PRKN: variants seen among roughly 807,000 people sequenced by gnomAD.
The protein encoded by PRKN is parkin RBR E3 ubiquitin protein ligase.
Under a neutral mutation model 59.5 loss-of-function variants are expected in PRKN, and 56 were observed. The observed-to-expected ratio is 0.94, with a 90% CI of 0.76 to 1.18. The LOEUF is 1.18. Ranked by LOEUF, PRKN falls within the 50% of genes most tolerant of loss-of-function variation. The pLI is 0.00. For missense variants in PRKN, 657 were observed against 596.4 expected, an observed-to-expected ratio of 1.10 and a Z score of -1.06; for synonymous variants, 250 against 222.1, an observed-to-expected ratio of 1.13 and a Z score of -1.12.
chr6:162,034,297 T>C (rs979915166), intron 5 of PRKN, among the ~76,000 whole-genome samples: 4 of 151,850 alleles, frequency 2.6e-5, no homozygotes, highest in African/African-American at 7.3e-5. Context: ...ACAACCCTTA[T>C]GGAAGATGCT....
intron 2 of PRKN, among the ~76,000 whole-genome samples, chr6:162,321,249 A>G (rs1783011539): frequency 6.6e-6 from 1 of 151,934 alleles, no homozygotes; most frequent in Non-Finnish European, 1.5e-5. Context: ...GCAATTTTCT[A>G]CCTATAAATT....
At chr6:162,725,368 A>T (rs1779105781) in intron 1 of PRKN, among the ~76,000 whole-genome samples, 1 of 151,848 alleles carries the variant, frequency 6.6e-6, no homozygotes, top group Admixed American at 6.6e-5. Context: ...AAAACCCATC[A>T]CTCCAAGGCT....
At chr6:161,963,255 C>G (rs750505926) in intron 6 of PRKN, among the ~76,000 whole-genome samples, 5 of 152,202 alleles carry the variant, frequency 3.3e-5, no homozygotes, top group Non-Finnish European at 7.3e-5. Flanking sequence ...CTAACGGATA[C>G]AAAATTGGTC....
rs766949960 is a variant in PRKN at position 161,352,755 on chromosome 6, G to GTGTGTATA, written c.1286-2545_1286-2544insTATACACA. On this transcript the variant is annotated intron_variant, in intron 11 of 11. Coordinates refer to ENST00000366898, the MANE Select transcript of PRKN (RefSeq NM_004562.3). This position sits in a 1 kb window ranked among gnomAD's most constrained non-coding sequence, Gnocchi z 5.8. ...TGTGTGTGTGTGTGTGTGTGTGTGT[G>GTGTGTATA]TATATATATATATATATTTTATTTT... 9.5e-4 allele frequency among the ~76,000 whole-genome samples: 128 copies of GTGTGTATA among 134,362 alleles called. No individual in the cohort carries two copies. Among genetic ancestry groups the GTGTGTATA allele is most frequent in the African/African-American group, 2.6e-3 (92 of 35,774 alleles). 88.1% of individuals were successfully genotyped at this position (134,362 alleles called of 152,430 possible).
intron 3 of PRKN, among the ~76,000 whole-genome samples, chr6:162,250,030 C>T (rs571240601): frequency 2.6e-4 from 39 of 152,140 alleles, no homozygotes; most frequent in African/African-American, 8.4e-4. Context: ...CCTGTACTCC[C>T]AGCTACTCCG....
intron 1 of PRKN, among the ~76,000 whole-genome samples, chr6:162,563,652 T>C (rs1386411801): frequency 2.6e-5 from 4 of 152,078 alleles, no homozygotes; most frequent in African/African-American, 9.7e-5. Context: ...GAAAACATGA[T>C]CTCATCAAAT....
chr6:162,673,085 T>A (rs1310404432), intron 1 of PRKN, among the ~76,000 whole-genome samples: 1 of 152,224 alleles, frequency 6.6e-6, no homozygotes, highest in Non-Finnish European at 1.5e-5. Flanking sequence ...TTTTTCATTT[T>A]TATACATATT....
Position 162,331,588 on chromosome 6 carries a change from T to C in PRKN, c.172-68823A>G, listed in dbSNP as rs75278680. 1.7e-3 allele frequency among the ~76,000 whole-genome samples: 259 copies of C among 152,324 alleles called. 3 individuals are homozygous for C. In the East Asian group the frequency reaches 0.023, roughly 14 times the overall value. Reference sequence around the variant, plus strand: ...TACTTCCCCTTTCAAAATGTGAGCTTGGTGGACACCACCTAAATTGGTTTT... The same window carrying C: ...TACTTCCCCTTTCAAAATGTGAGCTCGGTGGACACCACCTAAATTGGTTTT... On this transcript the variant is annotated intron_variant, in intron 2 of 11. Coordinates refer to ENST00000366898, the MANE Select transcript of PRKN (RefSeq NM_004562.3).
At chr6:161,723,174 AG>A (rs1472629723) in intron 7 of PRKN, among the ~76,000 whole-genome samples, 1 of 151,964 alleles carries the variant, frequency 6.6e-6, no homozygotes, top group Non-Finnish European at 1.5e-5. Flanking sequence ...AAGGTGAGGC[AG>A]GAGAATCGCT....
At chr6:161,783,733 G>T (rs376784756) in intron 7 of PRKN, 29 of 477,374 alleles carry the variant, frequency 6.1e-5, no homozygotes, top group Non-Finnish European at 1.1e-4. Flanking sequence ...TTTCCAATCT[G>T]TAAATAATAA....
At chr6:162,633,939 T>G (rs562272672) in intron 1 of PRKN, among the ~76,000 whole-genome samples, 1 of 152,160 alleles carries the variant, frequency 6.6e-6, no homozygotes, top group East Asian at 1.9e-4. Flanking sequence ...TAATTAGAAG[T>G]GGAAAACAGT....
intron 1 of PRKN, among the ~76,000 whole-genome samples, chr6:162,557,371 C>T (rs4527674): frequency 2.0e-5 from 3 of 152,034 alleles, no homozygotes; most frequent in African/African-American, 7.3e-5. Context: ...CAACACCATT[C>T]CCCCCAGGGC....
At position 161,639,634 on chromosome 6, in the gene PRKN, C is replaced by T. The variant is rs141772844; in HGVS notation, c.872-70218G>A. 1.2e-4 allele frequency among the ~76,000 whole-genome samples: 18 copies of T among 152,308 alleles called. No individual in the cohort carries two copies. In the East Asian group the frequency reaches 3.5e-3, roughly 29 times the overall value. On this transcript the variant is annotated intron_variant, in intron 7 of 11. Coordinates refer to ENST00000366898, the MANE Select transcript of PRKN (RefSeq NM_004562.3). ...TGCTAGAGACAGCCCAGCCCCGATC[C>T]AGCCCCATGGAGAGGGAGGCCTCAG...
At chr6:161,427,995 C>A (rs759858451) in intron 9 of PRKN, among the ~76,000 whole-genome samples, 3 of 152,102 alleles carry the variant, frequency 2.0e-5, no homozygotes, top group Non-Finnish European at 4.4e-5. Flanking sequence ...CTCAGAGGGT[C>A]CCGACAGAGG....
At chr6:161,980,018 A>G (rs1364305782) in intron 5 of PRKN, among the ~76,000 whole-genome samples, 1 of 152,190 alleles carries the variant, frequency 6.6e-6, no homozygotes, top group African/African-American at 2.4e-5. Context: ...GCCAAACCCA[A>G]ATACAATTTG....
intron 4 of PRKN, among the ~76,000 whole-genome samples, chr6:162,181,492 C>T (rs534236190): frequency 8.6e-5 from 13 of 151,958 alleles, no homozygotes; most frequent in South Asian, 8.4e-4. Context: ...TTGAATTTAA[C>T]GGGACAAGGG....
intron 7 of PRKN, among the ~76,000 whole-genome samples, chr6:161,755,941 G>A (rs754037330): frequency 2.0e-5 from 3 of 152,026 alleles, no homozygotes; most frequent in Non-Finnish European, 4.4e-5. Context: ...TGGAAAAAAC[G>A]CCAAGGATAT....
At chr6:162,248,545 C>T (rs186908798) in intron 3 of PRKN, among the ~76,000 whole-genome samples, 1 of 152,076 alleles carries the variant, frequency 6.6e-6, no homozygotes, top group African/African-American at 2.4e-5. Context: ...GCCAGATACT[C>T]TGAACTACTG....
intron 9 of PRKN, among the ~76,000 whole-genome samples, chr6:161,392,178 C>T (rs10455884): frequency 0.07 from 10,642 of 151,740 alleles, 430 homozygotes; most frequent in Admixed American, 0.1. Context: ...CCTCGTGATC[C>T]GCCTGCCTCG....
Sources: gnomAD v4.1 joint callset for allele counts (sites outside exome capture counted in the v4.1 genomes callset) on GRCh38, gnomAD v4.1.1 for gene constraint, Gnocchi (gnomAD v3.1) non-coding constraint, MANE v1.5 for transcripts, NCBI Gene and HGNC (gene_info 2026-07-23, HGNC 2026-07-21) for gene names.